Variants in CEP192 observed in about 807,000 individuals in gnomAD.
CEP192 encodes centrosomal protein 192.
CEP192 carries 151 observed loss-of-function variants against 271.8 expected under a neutral mutation model. The observed-to-expected ratio is 0.56, with a 90% CI of 0.49 to 0.64. The LOEUF (loss-of-function observed/expected upper bound fraction) is 0.64, where lower values mean the gene tolerates loss of function less well. CEP192 is among the 30% of genes least tolerant of loss of function. The pLI, the probability that CEP192 is intolerant of heterozygous loss-of-function variation, is 0.00. For synonymous variants in CEP192, 995 were observed against 1,076.5 expected (o/e 0.92, Z 1.48); for missense variants, 2,910 against 3,020.5 (o/e 0.96, Z 0.86).
At chr18:13,050,926 T>G (rs562126343) in intron 17 of CEP192, among the ~76,000 whole-genome samples, 32 of 152,298 alleles carry the variant, frequency 2.1e-4, no homozygotes, top group Non-Finnish European at 4.6e-4. Flanking sequence ...CCAAAGCAAA[T>G]TTGAAGATCA....
chr18:13,060,193 T>C (rs1040529259), intron 21 of CEP192, among the ~76,000 whole-genome samples: 9 of 152,240 alleles, frequency 5.9e-5, no homozygotes, highest in Non-Finnish European at 7.3e-5. Flanking sequence ...CTAGACCTTA[T>C]GGGATAGTCC....
chr18:13,089,661 T>G (rs537368478), intron 33 of CEP192, 96 bp downstream of exon 33: 151 of 624,248 alleles, frequency 2.4e-4, no homozygotes, highest in Non-Finnish European at 3.2e-4. Flanking sequence ...AAGTGTTAGT[T>G]TAGATGCAGT....
intron 42 of CEP192, among the ~76,000 whole-genome samples, chr18:13,115,236 C>T (rs2040374776): frequency 6.6e-6 from 1 of 152,158 alleles, no homozygotes; most frequent in Non-Finnish European, 1.5e-5. Flanking sequence ...GAGACACAGC[C>T]TCGCCAACCC....
intron 15 of CEP192, among the ~76,000 whole-genome samples, chr18:13,043,456 T>G (rs1228475949): frequency 6.6e-6 from 1 of 152,256 alleles, no homozygotes; most frequent in Non-Finnish European, 1.5e-5. Flanking sequence ...GTCTCTCTTG[T>G]GCTTCTTCGG....
At chr18:13,122,807 A>G (rs1200001076) in intron 44 of CEP192, among the ~76,000 whole-genome samples, 1 of 148,622 alleles carries the variant, frequency 6.7e-6, no homozygotes, top group Non-Finnish European at 1.5e-5. Context: ...CACTGGGTTC[A>G]GAGGACTTTC....
chr18:13,057,975 A>C, intron 20 of CEP192: 1 of 263,436 alleles, frequency 3.8e-6, no homozygotes, highest in East Asian at 7.2e-5. Context: ...AAATTCCTAT[A>C]AATTTGCTTT....
chr18:13,018,104 A>G (rs1739955325), intron 7 of CEP192, among the ~76,000 whole-genome samples: 1 of 152,164 alleles, frequency 6.6e-6, no homozygotes. Context: ...AGTGTTGTGT[A>G]CTTCTCATTG....
intron 18 of CEP192, 65 bp from the exon 19 acceptor site, chr18:13,055,715 C>T: frequency 8.8e-7 from 1 of 1,142,068 alleles, no homozygotes; most frequent in Non-Finnish European, 1.2e-6. Flanking sequence ...CTTTTGCCAG[C>T]ATGTTTCAAT....
At chr18:13,010,467 A>T (rs1599056514) in intron 4 of CEP192, among the ~76,000 whole-genome samples, 1 of 152,206 alleles carries the variant, frequency 6.6e-6, no homozygotes, top group African/African-American at 2.4e-5. Flanking sequence ...TGGTATTATC[A>T]CTCAAATAAG....
rs1209431527 is a variant in CEP192 at position 13,029,766 on chromosome 18, A to G, written c.1154A>G (p.Asp385Gly). 2 of 1,551,656 alleles carry G rather than the reference A, an allele frequency of 1.3e-6. No individual in the cohort carries two copies. The highest frequency in any genetic ancestry group is 2.4e-5 in the South Asian group (2 of 84,056). The change falls in exon 10 of 45, where the codon GAT (aspartate) becomes GGT (glycine). Residue 385 changes from aspartate to glycine, a missense_variant. By Grantham distance (94) the Asp-to-Gly change is moderately conservative. Transcript: ENST00000506447. The part of the protein sequence containing the change: ...HDANANRGGF[D>G]LTDPVKQGAE... ...GCAAATGCCAATAGAGGTGGTTTTG[A>G]TCTGACTGACCCTGTAAAACAGGGG... is the stretch of plus-strand genomic sequence containing the variant.
chr18:13,035,247 T>A (rs1598418615), intron 11 of CEP192, among the ~76,000 whole-genome samples: 2 of 152,230 alleles, frequency 1.3e-5, no homozygotes, highest in African/African-American at 4.8e-5. Flanking sequence ...CAAAGTAAAT[T>A]AAGTTTCTTT....
In CEP192 at chr18:13,073,809, G is replaced by A. The variant is rs577750143; in HGVS notation, c.5616+624G>A. Among the ~76,000 whole-genome samples, 170 of 152,282 alleles carry A rather than the reference G, an allele frequency of 1.1e-3. 1 individual carries two copies. Among genetic ancestry groups the A allele is most frequent in the African/African-American group, 3.9e-3 (161 of 41,564 alleles). ...TCATGGCTTAATCACTTCCCCAAAG[G>A]CCCCACCTCTTAGTACTGTCACATT... On this transcript the variant is annotated intron_variant, in intron 30 of 44. Transcript: ENST00000506447.
chr18:13,077,896 C>G (rs1420983557), intron 30 of CEP192, among the ~76,000 whole-genome samples: 2 of 152,112 alleles, frequency 1.3e-5, no homozygotes, highest in Admixed American at 6.5e-5. Flanking sequence ...TATTTCTTCT[C>G]CCACATATCC....
At chr18:13,026,030 T>G (rs998852692) in intron 9 of CEP192, among the ~76,000 whole-genome samples, 9 of 152,236 alleles carry the variant, frequency 5.9e-5, no homozygotes, top group African/African-American at 1.7e-4. Flanking sequence ...TTTAAAAAAT[T>G]TCTTGCAAGG....
chr18:13,083,412 T>C (rs1287861544), intron 30 of CEP192, among the ~76,000 whole-genome samples: 1 of 152,224 alleles, frequency 6.6e-6, no homozygotes, highest in Admixed American at 6.5e-5. Flanking sequence ...GAGTTGGCTA[T>C]TGAAGCTTGT....
At position 13,042,245 on chromosome 18, in the gene CEP192, T is replaced by C; in HGVS notation, c.1978T>C (p.Ser660Pro). The change falls in exon 15 of 45, where the codon TCA becomes CCA. Residue 660 changes from serine to proline, a missense_variant. Physicochemically the swap from Ser to Pro is moderately conservative, Grantham distance 74. Coordinates refer to ENST00000506447, the MANE Select transcript of CEP192 (RefSeq NM_032142.4). ...EQSQAQLSEG[S>P]ITLQVEAVES... ...GTCCCAGGCACAGCTAAGTGAAGGATCAATTACACTTCAGGTTGAAGCAGT... is the reference window on the plus strand; with the variant it reads ...GTCCCAGGCACAGCTAAGTGAAGGACCAATTACACTTCAGGTTGAAGCAGT... 2 of 1,612,932 alleles carry C rather than the reference T, an allele frequency of 1.2e-6. No individual in the cohort carries two copies. Among genetic ancestry groups the C allele is most frequent in the Non-Finnish European group, 1.7e-6 (2 of 1,178,886 alleles).
intron 44 of CEP192, 33 bp downstream of exon 44, chr18:13,117,676 A>C: frequency 6.4e-7 from 1 of 1,550,976 alleles, no homozygotes; most frequent in Non-Finnish European, 8.9e-7. Flanking sequence ...TGTTCTCATC[A>C]GCGATGCAGG....
At chr18:13,001,959 G>A (rs542132207) in intron 3 of CEP192, among the ~76,000 whole-genome samples, 26 of 152,294 alleles carry the variant, frequency 1.7e-4, no homozygotes, top group African/African-American at 5.8e-4. Flanking sequence ...CGCCCCACCC[G>A]CGTTGGCCTC....
rs911118638 is a variant in CEP192 at position 13,056,326 on chromosome 18, G to A, written c.3736G>A (p.Ala1246Thr). The A allele has an allele frequency of 2.5e-6, 4 of 1,614,106 alleles. No homozygotes were observed. In the African/African-American group the frequency reaches 4.0e-5, roughly 16 times the overall value. Residue 1246 changes from alanine (A) to threonine (T), a missense_variant, in exon 19 of 45, where the codon GCT becomes ACT. Physicochemically the swap from Ala to Thr is moderately conservative, Grantham distance 58. Coordinates refer to ENST00000506447, the MANE Select transcript of CEP192 (RefSeq NM_032142.4). ...GGCTGACATGCAGAACATGCCTGCT[G>A]CTGTGCACGCACTCTTGACACAACC... is the stretch of plus-strand genomic sequence containing the variant. ...SVADMQNMPA[A>T]VHALLTQPSL...
Sources: allele counts gnomAD v4.1 joint callset (sites outside exome capture counted in the v4.1 genomes callset), GRCh38; gene constraint gnomAD v4.1.1; transcripts MANE v1.5; gene names NCBI Gene and HGNC (gene_info 2026-07-23, HGNC 2026-07-21).